The following SEMA5A variants were observed in gnomAD, a reference collection of about 807,000 sequenced individuals.
SEMA5A encodes the protein semaphorin 5A, also known as semaphorin-5A.
In SEMA5A, 55 loss-of-function variants were observed where a neutral mutation model predicts 135.5. The ratio of observed to expected loss-of-function variants is 0.41; its 90% CI spans 0.33 to 0.51. The LOEUF (loss-of-function observed/expected upper bound fraction) is 0.51. Ranked by LOEUF, SEMA5A falls within the 20% of genes least tolerant of loss-of-function variation. SEMA5A has a pLI of 0.37. For synonymous variants in SEMA5A, 580 were observed against 546.5 expected, an observed-to-expected ratio of 1.06 and a Z score of -0.85; for missense variants, 1,290 against 1,419.9, an observed-to-expected ratio of 0.91 and a Z score of 1.47.
rs144975483 is a variant in SEMA5A, at chr5:9,491,122, G to A, written c.-174-53270C>T. Among the ~76,000 whole-genome samples, 852 of 152,060 alleles carry A rather than the reference G, an allele frequency of 5.6e-3. 1 individual carries two copies. The highest frequency in any genetic ancestry group is 8.1e-3 in the Non-Finnish European group (550 of 67,988). On this transcript the variant is annotated intron_variant, in intron 1 of 22. Transcript: ENST00000382496. ...ATAGAATGTGGCCAGCACATTGTTC[G>A]CGATGTCCTCAAGTTCAGTTTTGGA...
At chr5:9,184,188 T>C (rs146232055) in intron 11 of SEMA5A, among the ~76,000 whole-genome samples, 125 of 152,228 alleles carry the variant, frequency 8.2e-4, no homozygotes, top group African/African-American at 2.9e-3. Flanking sequence ...GAATATTGCA[T>C]AACCATGTTT....
intron 1 of SEMA5A, among the ~76,000 whole-genome samples, chr5:9,447,200 A>G (rs937976293): frequency 2.6e-5 from 4 of 152,260 alleles, no homozygotes; most frequent in Non-Finnish European, 5.9e-5. Context: ...TAATGGAAAG[A>G]AGATTAGTAT....
chr5:9,367,652 A>G (rs1579423603), intron 3 of SEMA5A, among the ~76,000 whole-genome samples: 2 of 152,316 alleles, frequency 1.3e-5, no homozygotes, highest in African/African-American at 4.8e-5. Flanking sequence ...ACATGAACTT[A>G]GCCCTTAAAA....
intron 16 of SEMA5A, among the ~76,000 whole-genome samples, chr5:9,085,647 G>T (rs910496199): frequency 6.6e-6 from 1 of 152,192 alleles, no homozygotes; most frequent in African/African-American, 2.4e-5. Flanking sequence ...TTTGCTGCAG[G>T]GGTGGGGCTC....
intron 1 of SEMA5A, among the ~76,000 whole-genome samples, chr5:9,497,912 G>C (rs1735385457): frequency 6.6e-6 from 1 of 152,138 alleles, no homozygotes; most frequent in Non-Finnish European, 1.5e-5. Context: ...TTCTAACTTA[G>C]TAAATTATGT....
At chr5:9,048,032 T>G (rs1035059035) in intron 21 of SEMA5A, among the ~76,000 whole-genome samples, 2 of 152,130 alleles carry the variant, frequency 1.3e-5, no homozygotes, top group African/African-American at 4.8e-5. Flanking sequence ...TGCTGAGGCA[T>G]CAGCTGTTTG....
rs58137756 is a variant in SEMA5A at position 9,473,383 on chromosome 5, TAA to T, written c.-174-35533_-174-35532del. On this transcript the variant is annotated intron_variant, in intron 1 of 22. Coordinates refer to ENST00000382496, the MANE Select transcript of SEMA5A (RefSeq NM_003966.3). ...ATTGGCTGCATATGGCAATCAGTGG[TAA>T]AAAAAAAAAAAAAAAAAAAGACTAC... 4.0e-4 allele frequency among the ~76,000 whole-genome samples: 32 copies of T among 79,700 alleles called. 2 individuals are homozygous for T. The East Asian group carries it at 9.9e-3, about 25-fold the overall frequency. 52.3% of individuals were successfully genotyped at this position (79,700 alleles called of 152,430 possible).
intron 8 of SEMA5A, among the ~76,000 whole-genome samples, chr5:9,217,635 A>C (rs994706414): frequency 5.9e-5 from 9 of 152,214 alleles, no homozygotes; most frequent in African/African-American, 2.2e-4. Context: ...CCGAGGATTC[A>C]TAGATTTGGT....
intron 4 of SEMA5A, among the ~76,000 whole-genome samples, chr5:9,321,052 C>CG (rs1229362469): frequency 6.6e-6 from 1 of 151,988 alleles, no homozygotes; most frequent in African/African-American, 2.4e-5. Context: ...ATCATGGGGG[C>CG]GGGTTACTTC....
At chr5:9,163,456 G>A (rs1319333934) in intron 11 of SEMA5A, among the ~76,000 whole-genome samples, 3 of 152,134 alleles carry the variant, frequency 2.0e-5, no homozygotes, top group Non-Finnish European at 4.4e-5. Flanking sequence ...AACTTTCAAT[G>A]TTTAAGTAGC....
chr5:9,412,402 C>A (rs544010759), intron 2 of SEMA5A, among the ~76,000 whole-genome samples: 1 of 151,678 alleles, frequency 6.6e-6, no homozygotes, highest in East Asian at 1.9e-4. Flanking sequence ...CCTTGATTGA[C>A]CTACAATATT....
In SEMA5A at chr5:9,545,452, T is replaced by A. The variant is rs989002792; in HGVS notation, c.-175+132A>T. On this transcript the variant is annotated intron_variant, in intron 1 of 22. Transcript: ENST00000382496. The surrounding 1 kb of genome is among the most constrained non-coding windows in gnomAD (Gnocchi z 4.5). ...CCCCGCCCAGGTGCCTGCTGATGGA[T>A]CCCACCCGAGATCGGCACCACCCAC... 3 of 151,860 alleles carry A rather than the reference T, an allele frequency of 2.0e-5. No individual in the cohort carries two copies. The highest frequency in any genetic ancestry group is 6.6e-5 in the Admixed American group (1 of 15,266). 9.4% of individuals were successfully genotyped at this position (151,860 alleles called of 1,614,324 possible).
At chr5:9,196,513 T>C (rs1208494811) in intron 10 of SEMA5A, among the ~76,000 whole-genome samples, 1 of 152,224 alleles carries the variant, frequency 6.6e-6, no homozygotes, top group African/African-American at 2.4e-5. Flanking sequence ...CAGTCGGTGG[T>C]GTTTTCTTAC....
intron 5 of SEMA5A, among the ~76,000 whole-genome samples, chr5:9,298,908 C>A (rs965511557): frequency 7.2e-5 from 11 of 152,176 alleles, no homozygotes; most frequent in East Asian, 1.9e-4. Flanking sequence ...ACTCTCACAG[C>A]CTTCAGCTCT....
intron 1 of SEMA5A, chr5:9,511,308 T>C (rs972522097): frequency 2.0e-5 from 3 of 152,228 alleles, no homozygotes; most frequent in Non-Finnish European, 2.9e-5. Flanking sequence ...CATTTTGATA[T>C]GGAATTGGAA....
chr5:9,510,975 A>G (rs1427935913), intron 1 of SEMA5A, among the ~76,000 whole-genome samples: 2 of 152,152 alleles, frequency 1.3e-5, no homozygotes, highest in Admixed American at 6.5e-5. Context: ...CCGAGAAGTC[A>G]TTGTTGTCTT....
chr5:9,305,765 C>T (rs1452397817), intron 5 of SEMA5A, among the ~76,000 whole-genome samples: 1 of 150,926 alleles, frequency 6.6e-6, no homozygotes, highest in Non-Finnish European at 1.5e-5. Context: ...CATATATACA[C>T]ATACATACAT....
intron 14 of SEMA5A, 78 bp from the exon 15 acceptor site, chr5:9,119,219 G>T (rs1579428019): frequency 6.5e-7 from 1 of 1,538,396 alleles, no homozygotes; most frequent in East Asian, 2.4e-5. Context: ...ACGGCCAAAT[G>T]CCTGTGTTCC....
intron 2 of SEMA5A, among the ~76,000 whole-genome samples, chr5:9,384,439 C>A (rs1755742016): frequency 2.6e-5 from 4 of 151,982 alleles, no homozygotes; most frequent in African/African-American, 7.3e-5. Flanking sequence ...CCTACTAGAG[C>A]TAGTAACACC....
Sources: allele counts gnomAD v4.1 joint callset (sites outside exome capture counted in the v4.1 genomes callset), GRCh38; gene constraint gnomAD v4.1.1; non-coding constraint Gnocchi (gnomAD v3.1); transcripts MANE v1.5; gene names NCBI Gene and HGNC (gene_info 2026-07-23, HGNC 2026-07-21).